Variants in NRXN3 observed in about 807,000 individuals in gnomAD.
The protein encoded by NRXN3 is neurexin 3.
Under a neutral mutation model 137.6 loss-of-function variants are expected in NRXN3, and 32 were observed. The observed-to-expected ratio is 0.23, with a 90% CI of 0.18 to 0.31. The LOEUF is 0.31. NRXN3 is among the 10% of genes least tolerant of loss of function. The pLI is 1.00. For missense variants in NRXN3, 1,574 were observed against 2,062.5 expected (o/e 0.76, Z 4.59); for synonymous variants, 798 against 784.5 (o/e 1.02, Z -0.29).
intron 4 of NRXN3, among the ~76,000 whole-genome samples, chr14:78,323,038 G>C (rs1217928296): frequency 1.3e-5 from 2 of 151,996 alleles, no homozygotes; most frequent in African/African-American, 2.4e-5. Context: ...TACAAATAAA[G>C]GCTTGATGTT....
intron 1 of NRXN3, among the ~76,000 whole-genome samples, chr14:78,237,417 C>A (rs2066461574): frequency 6.6e-6 from 1 of 152,186 alleles, no homozygotes; most frequent in South Asian, 2.1e-4. Flanking sequence ...GTATCTATTT[C>A]TTGGCTCTGA....
At chr14:79,402,783 T>C (rs1194217559) in intron 15 of NRXN3, among the ~76,000 whole-genome samples, 1 of 152,190 alleles carries the variant, frequency 6.6e-6, no homozygotes, top group Admixed American at 6.5e-5. Context: ...AACAATTGTA[T>C]GTTGAATGAC....
rs536374093 is a variant in NRXN3 at position 79,365,073 on chromosome 14, A to G, written c.3263-102148A>G. 2.6e-5 allele frequency among the ~76,000 whole-genome samples: 4 copies of G among 152,286 alleles called. No individual in the cohort carries two copies. In the East Asian group the frequency reaches 7.7e-4, roughly 29 times the overall value. On this transcript the variant is annotated intron_variant, in intron 15 of 20. Coordinates refer to ENST00000335750, the MANE Select transcript of NRXN3 (RefSeq NM_001330195.2). ...TTTCGTCTCATAAAATATTAGCTGA[A>G]TAGTTATTATATAAAAAGGAAATGA...
chr14:79,222,278 T>A (rs532454476), intron 15 of NRXN3, among the ~76,000 whole-genome samples: 2 of 152,294 alleles, frequency 1.3e-5, no homozygotes, highest in South Asian at 4.1e-4. Flanking sequence ...TAGTTTTTTC[T>A]AATTCTGTGA....
intron 19 of NRXN3, among the ~76,000 whole-genome samples, chr14:79,712,618 A>C (rs991011551): frequency 3.3e-5 from 5 of 152,222 alleles, no homozygotes; most frequent in African/African-American, 1.2e-4. Flanking sequence ...TTTGTTTGTT[A>C]ATGAATACCC....
chr14:79,727,106 AG>A (rs1297203307), intron 19 of NRXN3, among the ~76,000 whole-genome samples: 1 of 152,236 alleles, frequency 6.6e-6, no homozygotes, highest in Non-Finnish European at 1.5e-5. Context: ...CATAGCACTA[AG>A]GTTAAGCAAA....
chr14:78,834,164 A>C (rs1278297274), intron 10 of NRXN3, among the ~76,000 whole-genome samples: 1 of 152,122 alleles, frequency 6.6e-6, no homozygotes, highest in Non-Finnish European at 1.5e-5. Flanking sequence ...TGGCCAAGGT[A>C]AGGAGTTTGC....
chr14:79,604,481 C>T (rs1399774827), intron 16 of NRXN3, among the ~76,000 whole-genome samples: 2 of 151,418 alleles, frequency 1.3e-5, no homozygotes, highest in East Asian at 2.0e-4. Flanking sequence ...GTGATCCACC[C>T]GCCTTGGCCT....
intron 15 of NRXN3, among the ~76,000 whole-genome samples, chr14:79,292,733 A>C (rs2083405137): frequency 1.3e-5 from 2 of 152,332 alleles, no homozygotes; most frequent in Middle Eastern, 3.4e-3. Flanking sequence ...ACTTGAGTGA[A>C]TATGTGTGTG....
Position 78,424,239 on chromosome 14 carries a change from C to T in NRXN3, c.757+126379C>T, listed in dbSNP as rs994564892. 3.9e-5 allele frequency among the ~76,000 whole-genome samples: 6 copies of T among 152,300 alleles called. No individual in the cohort carries two copies. In the South Asian group the frequency reaches 1.0e-3, roughly 26 times the overall value. On this transcript the variant is annotated intron_variant, in intron 4 of 20. Transcript: ENST00000335750. ...TCTTGCCTCTGGCCTGCAGTGGGCA[C>T]CCTTAAGAAAAGTCCATTTAGATGT...
chr14:79,326,737 AGCCAGATTATTGAACTCT>A (rs1387413021), intron 15 of NRXN3, among the ~76,000 whole-genome samples: 3 of 152,216 alleles, frequency 2.0e-5, no homozygotes, highest in African/African-American at 7.2e-5. Context: ...CATTGTCACA[AGCCAGATTATTGAACTCT>A]GCCAGATGGC....
Position 79,381,366 on chromosome 14 carries a change from G to C in NRXN3, c.3263-85855G>C, listed in dbSNP as rs934660977. On this transcript the variant is annotated intron_variant, in intron 15 of 20. Transcript: ENST00000335750. Reference sequence around the variant, plus strand: ...ATATCTCTGAAGGCCGATGTTCCTTGAAAGACTGTGTGAAATATTGAACTA... The same window carrying C: ...ATATCTCTGAAGGCCGATGTTCCTTCAAAGACTGTGTGAAATATTGAACTA... 6.6e-5 allele frequency among the ~76,000 whole-genome samples: 10 copies of C among 152,170 alleles called. 1 individual carries two copies. The highest frequency in any genetic ancestry group is 1.9e-4 in the African/African-American group (8 of 41,532).
At chr14:79,099,241 G>T (rs1010252377) in intron 15 of NRXN3, among the ~76,000 whole-genome samples, 6 of 152,042 alleles carry the variant, frequency 3.9e-5, no homozygotes, top group Non-Finnish European at 8.8e-5. Context: ...CTATTTTTTT[G>T]AGATATTTTT....
intron 8 of NRXN3, among the ~76,000 whole-genome samples, chr14:78,803,302 T>C (rs963057698): frequency 1.1e-4 from 17 of 152,242 alleles, no homozygotes; most frequent in Non-Finnish European, 5.9e-5. Flanking sequence ...ATACTATTTG[T>C]GAGGGGCGTT....
chr14:79,068,674 G>A (rs1178406956), intron 15 of NRXN3, among the ~76,000 whole-genome samples: 1 of 151,996 alleles, frequency 6.6e-6, no homozygotes, highest in African/African-American at 2.4e-5. Context: ...TTATGTTATA[G>A]TTGTGGTTTA....
intron 15 of NRXN3, among the ~76,000 whole-genome samples, chr14:79,407,066 T>G (rs1292613485): frequency 6.6e-6 from 1 of 152,210 alleles, no homozygotes; most frequent in African/African-American, 2.4e-5. Flanking sequence ...TCCCTGCTGA[T>G]AATGACTCTC....
intron 15 of NRXN3, among the ~76,000 whole-genome samples, chr14:79,151,214 C>T (rs2059768526): frequency 6.6e-6 from 1 of 151,988 alleles, no homozygotes; most frequent in South Asian, 2.1e-4. Flanking sequence ...ACAAGGGATA[C>T]CATTTTGCCT....
intron 4 of NRXN3, among the ~76,000 whole-genome samples, chr14:78,354,157 G>A (rs952005677): frequency 1.3e-5 from 2 of 152,272 alleles, no homozygotes; most frequent in East Asian, 1.9e-4. Flanking sequence ...TTTGAAATAC[G>A]AATGATCATC....
chr14:79,861,096 C>T lies in NRXN3; in HGVS notation c.4094-246C>T. On this transcript the variant is annotated intron_variant, in intron 20 of 20. Transcript: ENST00000335750. The surrounding 1 kb of genome is among the most constrained non-coding windows in gnomAD (Gnocchi z 5.4). ...GACCCTTTAGCTACCCCTCCTATTG[C>T]TACTCGTGCACCTTCCATTACACTC... 6.9e-7 allele frequency: 1 copy of T among 1,440,410 alleles called. No individual in the cohort carries two copies. Among genetic ancestry groups the T allele is most frequent in the South Asian group, 1.5e-5 (1 of 67,980 alleles). The allele number at this position is 1,440,410 out of a possible 1,614,324, so 89.2% of individuals were successfully genotyped here. A position where few individuals can be genotyped will look rare whatever the true frequency, so the allele number is the denominator to read the frequency against.
Sources: allele counts gnomAD v4.1 joint callset (sites outside exome capture counted in the v4.1 genomes callset), GRCh38; gene constraint gnomAD v4.1.1; non-coding constraint Gnocchi (gnomAD v3.1); transcripts MANE v1.5; gene names NCBI Gene and HGNC (gene_info 2026-07-23, HGNC 2026-07-21).